The following ARSG variants were observed in gnomAD, a reference collection of about 807,000 sequenced individuals.
The protein encoded by ARSG is arylsulfatase G.
A neutral mutation model predicts 50.5 loss-of-function variants in ARSG; 37 were observed. The observed-to-expected ratio is 0.73, with a 90% CI of 0.56 to 0.96. ARSG has a LOEUF of 0.96. ARSG is among the 50% of genes least tolerant of loss of function. The pLI is 0.00. For missense variants in ARSG, 629 were observed against 675.3 expected (o/e 0.93, Z 0.76); for synonymous variants, 225 against 254.6 (o/e 0.88, Z 1.11).
At position 68,282,779 on chromosome 17, in the gene ARSG, T is replaced by TAAAAAAAAAAAAAAAAAAAAAA. The variant is rs36155626; in HGVS notation, c.-552+23374_-552+23375insAAAAAAAAAAAAAAAAAAAAAA. On this transcript the variant is annotated intron_variant, in intron 1 of 11. Transcript: ENST00000448504. ...CAACATAGTGAAACCCCATCTCTACTAAAAAAAAAAAAAAAAAAAAAGGCC... is the reference window on the plus strand; with the variant it reads ...CAACATAGTGAAACCCCATCTCTACTAAAAAAAAAAAAAAAAAAAAAAAAAAAAAAAAAAAAAAAAAAAGGCC... Among the ~76,000 whole-genome samples the TAAAAAAAAAAAAAAAAAAAAAA allele has an allele frequency of 6.0e-4, 32 of 53,400 alleles. 3 individuals are homozygous for TAAAAAAAAAAAAAAAAAAAAAA. Among genetic ancestry groups the TAAAAAAAAAAAAAAAAAAAAAA allele is most frequent in the African/African-American group, 1.5e-3 (16 of 10,790 alleles). 35.0% of individuals were successfully genotyped at this position (53,400 alleles called of 152,430 possible).
At chr17:68,447,859 G>A in the ARSG span, among the ~76,000 whole-genome samples, 1 of 151,844 alleles carries the variant, frequency 6.6e-6, no homozygotes, top group Non-Finnish European at 1.5e-5. Context: ...CGGGCGTGGT[G>A]GCAGGTGCTT....
intron 11 of ARSG, among the ~76,000 whole-genome samples, chr17:68,419,251 G>T (rs767226161): frequency 3.9e-5 from 6 of 152,194 alleles, no homozygotes; most frequent in Admixed American, 1.3e-4. Flanking sequence ...AAGGGCAGAG[G>T]TTAAAGATAC....
chr17:68,361,016 C>T (rs937769935), intron 6 of ARSG, among the ~76,000 whole-genome samples: 7 of 152,024 alleles, frequency 4.6e-5, no homozygotes, highest in Admixed American at 2.0e-4. Flanking sequence ...GTAGAGACGG[C>T]GTTTCACCAT....
intron 11 of ARSG, among the ~76,000 whole-genome samples, chr17:68,413,330 C>T (rs2082131124): frequency 1.3e-5 from 2 of 152,152 alleles, no homozygotes; most frequent in South Asian, 4.1e-4. Context: ...TGTTAGTTTT[C>T]CTTGTAACAG....
chr17:68,404,980 A>G (rs962693148), intron 11 of ARSG, among the ~76,000 whole-genome samples: 1 of 152,120 alleles, frequency 6.6e-6, no homozygotes, highest in Non-Finnish European at 1.5e-5. Flanking sequence ...CTTGTTAAAA[A>G]TCATTTGATC....
At chr17:68,366,677 A>ATGTGTGTGTGTGTGTGTG (rs3072873) in intron 6 of ARSG, among the ~76,000 whole-genome samples, 38 of 148,360 alleles carry the variant, frequency 2.6e-4, no homozygotes, top group African/African-American at 9.2e-4. Flanking sequence ...GAATTTATGT[A>ATGTGTGTGTGTGTGTGTG]TGTGTGTGTG....
chr17:68,428,795 C>T, the ARSG span: 12 of 1,547,684 alleles, frequency 7.8e-6, no homozygotes, highest in Non-Finnish European at 9.8e-6. Context: ...GACCAGCTCT[C>T]GAAAGGCTGT....
chr17:68,330,327 T>C (rs1040200032), intron 2 of ARSG, among the ~76,000 whole-genome samples: 1 of 152,156 alleles, frequency 6.6e-6, no homozygotes, highest in Non-Finnish European at 1.5e-5. Context: ...CTGCCACTTA[T>C]AGCTGGGGAG....
the ARSG span, among the ~76,000 whole-genome samples, chr17:68,439,278 T>A: frequency 6.6e-6 from 1 of 152,218 alleles, no homozygotes; most frequent in East Asian, 1.9e-4. Flanking sequence ...TATATTTTTA[T>A]AATAGAATAT....
chr17:68,398,923 G>A (rs142367886), intron 10 of ARSG, among the ~76,000 whole-genome samples: 1,795 of 152,342 alleles, frequency 0.012, 13 homozygotes, highest in Middle Eastern at 0.034. Flanking sequence ...CTGGGAAGGG[G>A]AGGGCTGCAC....
At chr17:68,321,207 A>G (rs1555770457) in intron 2 of ARSG, among the ~76,000 whole-genome samples, 1 of 152,156 alleles carries the variant, frequency 6.6e-6, no homozygotes, top group African/African-American at 2.4e-5. Flanking sequence ...AACAAAAAGA[A>G]AAAGAGTATA....
At position 68,271,125 on chromosome 17, in the gene ARSG, G is replaced by A. The variant is rs782203795; in HGVS notation, c.-552+11699G>A. ...CCCTGTTGAGGACAAAACCAGCTCC[G>A]ATCCTTCCGAAAACTTCTGCAATGG... On this transcript the variant is annotated intron_variant, in intron 1 of 11. Coordinates refer to the ARSG transcript ENST00000448504. This position sits in a 1 kb window ranked among gnomAD's most constrained non-coding sequence, Gnocchi z 5.3. 1 of 1,614,118 alleles carries A rather than the reference G, an allele frequency of 6.2e-7. No individual in the cohort carries two copies. The highest frequency in any genetic ancestry group is 8.5e-7 in the Non-Finnish European group (1 of 1,180,024).
Position 68,420,299 on chromosome 17 carries a change from G to A in ARSG, c.1414G>A (p.Gly472Ser), listed in dbSNP as rs1436892684. The A allele has an allele frequency of 6.2e-7, 1 of 1,614,076 alleles. No homozygotes were observed. The highest frequency in any genetic ancestry group is 8.5e-7 in the Non-Finnish European group (1 of 1,180,016). The change falls in exon 12 of 12, where the codon GGT becomes AGT. Residue 472 changes from glycine (G) to serine (S), a missense_variant. Gly to Ser is a moderately conservative substitution (Grantham distance 56). Coordinates refer to ENST00000621439, the MANE Select transcript of ARSG (RefSeq NM_001267727.2). Reference sequence around the variant, plus strand: ...AGAAGCTGTGCCCCTAGAAAGAGGTGGTGCGGAGTACCAGGCTGTGCTGCC... The same window carrying A: ...AGAAGCTGTGCCCCTAGAAAGAGGTAGTGCGGAGTACCAGGCTGTGCTGCC... ...TAEAVPLERG[G>S]AEYQAVLPEV... is the part of the protein sequence containing the mutation.
chr17:68,307,383 C>G lies in ARSG; in HGVS notation c.-111C>G. ...CAGCATCTTCTTGCAGATTCCACCC[C>G]TGCTCCCCAGAGACTTCCTGCTTTG... On this transcript the variant is annotated 5_prime_UTR_variant, in exon 2 of 12. Transcript: ENST00000621439. The G allele has an allele frequency of 2.4e-6, 2 of 835,502 alleles. No individual in the cohort carries two copies. The highest frequency in any genetic ancestry group is 3.9e-6 in the Non-Finnish European group (2 of 510,946). 51.8% of individuals were successfully genotyped at this position (835,502 alleles called of 1,614,324 possible).
chr17:68,368,773 C>T (rs1163528555), intron 7 of ARSG, 29 bp downstream of exon 7: 1 of 1,606,820 alleles, frequency 6.2e-7, no homozygotes, highest in Non-Finnish European at 8.5e-7. Flanking sequence ...GCCAGCCTAA[C>T]TGCCATTTAA....
chr17:68,379,362 TC>T (rs2080311286), intron 8 of ARSG, among the ~76,000 whole-genome samples: 1 of 147,624 alleles, frequency 6.8e-6, no homozygotes, highest in Middle Eastern at 3.3e-3. Flanking sequence ...TGCTTCAGCC[TC>T]CCTAGTAGCT....
chr17:68,362,407 A>G (rs1324879949), intron 6 of ARSG, among the ~76,000 whole-genome samples: 15 of 152,190 alleles, frequency 9.9e-5, no homozygotes, highest in Non-Finnish European at 1.8e-4. Context: ...AGGCAATCAT[A>G]TCGAACGTCT....
intron 2 of ARSG, among the ~76,000 whole-genome samples, chr17:68,334,639 G>T (rs925697898): frequency 2.0e-5 from 3 of 152,100 alleles, no homozygotes; most frequent in Non-Finnish European, 4.4e-5. Flanking sequence ...CTCGTGGAGT[G>T]TAGCAAGCAG....
chr17:68,335,109 G>A (rs576238783), intron 2 of ARSG, among the ~76,000 whole-genome samples: 22 of 152,172 alleles, frequency 1.4e-4, no homozygotes, highest in African/African-American at 4.1e-4. Context: ...CCATCCTCCC[G>A]CCTCAGCCCC....
Sources: allele counts gnomAD v4.1 joint callset (sites outside exome capture counted in the v4.1 genomes callset), GRCh38; gene constraint gnomAD v4.1.1; non-coding constraint Gnocchi (gnomAD v3.1); transcripts MANE v1.5; gene names NCBI Gene and HGNC (gene_info 2026-07-23, HGNC 2026-07-21).